Variants in ADAMTS12 observed in about 807,000 individuals in gnomAD.
ADAMTS12 encodes the protein A disintegrin and metalloproteinase with thrombospondin motifs 12.
Under a neutral mutation model 167.8 loss-of-function variants are expected in ADAMTS12, and 118 were observed. The ratio of observed to expected loss-of-function variants is 0.70; its 90% CI spans 0.61 to 0.82. The LOEUF (loss-of-function observed/expected upper bound fraction) is 0.82, where lower values mean the gene tolerates loss of function less well. Among genes scored for constraint, ADAMTS12 ranks in the 40% least tolerant of loss-of-function variants. ADAMTS12 has a pLI of 0.00. For missense variants in ADAMTS12, 1,916 were observed against 1,998.8 expected (o/e 0.96, Z 0.79); for synonymous variants, 704 against 716.9 (o/e 0.98, Z 0.29).
chr5:33,787,708 C>A (rs1746379861), intron 2 of ADAMTS12, among the ~76,000 whole-genome samples: 2 of 152,198 alleles, frequency 1.3e-5, no homozygotes, highest in Admixed American at 1.3e-4. Context: ...ACACCAGCTG[C>A]CCACATCCCC....
intron 2 of ADAMTS12, among the ~76,000 whole-genome samples, chr5:33,850,830 C>T (rs1201412641): frequency 6.6e-6 from 1 of 152,188 alleles, no homozygotes; most frequent in East Asian, 1.9e-4. Flanking sequence ...TAAGGTCACC[C>T]ACCAATAAAA....
At chr5:33,556,596 T>C (rs1162643413) in intron 20 of ADAMTS12, among the ~76,000 whole-genome samples, 1 of 152,188 alleles carries the variant, frequency 6.6e-6, no homozygotes, top group Admixed American at 6.5e-5. Context: ...CATGGAGCCA[T>C]AACGTGGGAA....
In ADAMTS12 at chr5:33,672,108, C is replaced by T. The variant is rs377642799; in HGVS notation, c.916-10068G>A. On this transcript the variant is annotated intron_variant, in intron 5 of 23. Transcript: ENST00000504830. ...ACACACACATCCACACTCACATCCA[C>T]ACACTCACATCCACACACACCCACA... Among the ~76,000 whole-genome samples, 1,255 of 150,902 alleles carry T rather than the reference C, an allele frequency of 8.3e-3. 18 individuals are homozygous for T. Among genetic ancestry groups the T allele is most frequent in the African/African-American group, 0.03 (1,222 of 41,042 alleles).
intron 2 of ADAMTS12, among the ~76,000 whole-genome samples, chr5:33,791,533 CCAAT>C (rs1418401299): frequency 2.5e-4 from 38 of 152,186 alleles, no homozygotes; most frequent in Admixed American, 1.5e-3. Flanking sequence ...TTTATCCAAG[CCAAT>C]CAGATTTTTA....
chr5:33,659,688 C>T (rs1741186692), intron 6 of ADAMTS12, among the ~76,000 whole-genome samples: 1 of 152,196 alleles, frequency 6.6e-6, no homozygotes, highest in African/African-American at 2.4e-5. Flanking sequence ...CACTATGTAA[C>T]AGAAAATATG....
intron 13 of ADAMTS12, among the ~76,000 whole-genome samples, chr5:33,625,411 G>A (rs923835400): frequency 1.3e-5 from 2 of 152,132 alleles, no homozygotes; most frequent in Non-Finnish European, 1.5e-5. Flanking sequence ...CCCTTCACAA[G>A]CAATATGTTT....
At chr5:33,730,168 G>A (rs1045233449) in intron 3 of ADAMTS12, among the ~76,000 whole-genome samples, 1 of 152,206 alleles carries the variant, frequency 6.6e-6, no homozygotes, top group South Asian at 2.1e-4. Context: ...GAATCTTTCT[G>A]TGTGATATGG....
chr5:33,842,877 C>T (rs2111604015), intron 2 of ADAMTS12, among the ~76,000 whole-genome samples: 1 of 152,262 alleles, frequency 6.6e-6, no homozygotes, highest in East Asian at 1.9e-4. Context: ...TGGTGAGCTC[C>T]AAGAAACACT....
chr5:33,735,303 G>A (rs1236587751), intron 3 of ADAMTS12, among the ~76,000 whole-genome samples: 5 of 152,174 alleles, frequency 3.3e-5, no homozygotes, highest in African/African-American at 1.2e-4. Context: ...TTTCTTATAA[G>A]TTCCAGGGTG....
At chr5:33,772,983 G>A (rs1745798831) in intron 2 of ADAMTS12, among the ~76,000 whole-genome samples, 1 of 152,196 alleles carries the variant, frequency 6.6e-6, no homozygotes, top group Admixed American at 6.5e-5. Flanking sequence ...TCTGCGTCTT[G>A]GAGAATGAGT....
intron 16 of ADAMTS12, among the ~76,000 whole-genome samples, chr5:33,600,166 A>C (rs1738117418): frequency 6.6e-6 from 1 of 152,214 alleles, no homozygotes; most frequent in Non-Finnish European, 1.5e-5. Flanking sequence ...ATATATGAGA[A>C]CTAAATTCAA....
In ADAMTS12 at chr5:33,588,757, C is replaced by T. The variant is rs1231656064; in HGVS notation, c.2707G>A (p.Glu903Lys). Residue 903 changes from glutamate (E) to lysine (K), a missense_variant, in exon 18 of 24, where the codon GAG (glutamate) becomes AAG (lysine). Coordinates refer to ENST00000504830, the MANE Select transcript of ADAMTS12 (RefSeq NM_030955.4). Reference protein sequence around the residue: ...ACSATCGPHGEKKRTVLCIQT... With the variant: ...ACSATCGPHGKKKRTVLCIQT... ...ATGCACAGCACGGTTCGCTTCTTCT[C>T]CCCGTGGGGCCCGCATGTCGCCGAG... The T allele has an allele frequency of 6.2e-6, 10 of 1,613,910 alleles. No homozygotes were observed. The Admixed American group carries it at 1.2e-4, about 19-fold the overall frequency.
intron 18 of ADAMTS12, among the ~76,000 whole-genome samples, chr5:33,578,802 C>T (rs1226288594): frequency 6.6e-6 from 1 of 152,298 alleles, no homozygotes; most frequent in East Asian, 1.9e-4. Context: ...AAAGCAGATG[C>T]TGTGAGCACA....
chr5:33,855,944 T>C (rs1820135), intron 2 of ADAMTS12, among the ~76,000 whole-genome samples: 74,669 of 151,934 alleles, frequency 0.49, 20,661 homozygotes, highest in African/African-American at 0.74. Context: ...GTTGTGTAGG[T>C]TTGTCTCCAA....
At chr5:33,685,535 T>A (rs1252897634) in intron 3 of ADAMTS12, among the ~76,000 whole-genome samples, 2 of 152,226 alleles carry the variant, frequency 1.3e-5, no homozygotes, top group Non-Finnish European at 2.9e-5. Context: ...TCTGTCCATA[T>A]GAATTTAGAC....
chr5:33,672,952 T>C (rs1741769677), intron 5 of ADAMTS12, among the ~76,000 whole-genome samples: 1 of 152,360 alleles, frequency 6.6e-6, no homozygotes, highest in Non-Finnish European at 1.5e-5. Context: ...TTTGCAGCTA[T>C]GAGTTTAGGA....
At chr5:33,828,340 C>T (rs1748168310) in intron 2 of ADAMTS12, among the ~76,000 whole-genome samples, 1 of 152,152 alleles carries the variant, frequency 6.6e-6, no homozygotes, top group African/African-American at 2.4e-5. Context: ...ACTGCCTTCT[C>T]ATGTGCTTTT....
At chr5:33,677,852 C>T (rs557318789) in intron 5 of ADAMTS12, among the ~76,000 whole-genome samples, 1 of 152,262 alleles carries the variant, frequency 6.6e-6, no homozygotes, top group South Asian at 2.1e-4. Context: ...ATGAGAAAGC[C>T]TCCAAATTGT....
chr5:33,665,082 C>T (rs893399933), intron 5 of ADAMTS12, among the ~76,000 whole-genome samples: 1 of 152,016 alleles, frequency 6.6e-6, no homozygotes, highest in Non-Finnish European at 1.5e-5. Context: ...ATTATTCAGC[C>T]TTAAAAGACA....
Sources: allele counts gnomAD v4.1 joint callset (sites outside exome capture counted in the v4.1 genomes callset), GRCh38; gene constraint gnomAD v4.1.1; transcripts MANE v1.5; gene names NCBI Gene and HGNC (gene_info 2026-07-23, HGNC 2026-07-21).